Variants in FOXM1 observed in about 807,000 individuals in gnomAD.
FOXM1 encodes the protein forkhead box M1.
FOXM1 carries 25 observed loss-of-function variants against 63.6 expected under a neutral mutation model. The observed-to-expected ratio is 0.39, with a 90% CI of 0.29 to 0.55. The LOEUF (loss-of-function observed/expected upper bound fraction) is 0.55, where lower values mean the gene tolerates loss of function less well. Among genes scored for constraint, FOXM1 ranks in the 20% least tolerant of loss-of-function variants. The pLI, the probability that FOXM1 is intolerant of heterozygous loss-of-function variation, is 0.60. For missense variants in FOXM1, 879 were observed against 958.7 expected, an observed-to-expected ratio of 0.92 and a Z score of 1.10; for synonymous variants, 387 against 376.9, an observed-to-expected ratio of 1.03 and a Z score of -0.31.
rs1487148803 is a variant in FOXM1, at chr12:2,864,720, C to T, written c.1053G>A (p.Arg351=). ...QQKRPNPELR[R]NMTIKTELPL... ...GGAGTTCGGTTTTGATGGTCATGTT[C>T]CGGCGGAGCTCTGGATTCGGTCGTT... The change falls in exon 7 of 9, where the codon CGG becomes CGA. Residue 351 remains arginine, a synonymous_variant. Coordinates refer to ENST00000359843, the MANE Select transcript of FOXM1 (RefSeq NM_021953.4). This position sits in a 1 kb window ranked among gnomAD's most constrained non-coding sequence, Gnocchi z 5.1. 4 of 1,614,158 alleles carry T rather than the reference C, an allele frequency of 2.5e-6. No individual in the cohort carries two copies. The East Asian group carries it at 6.7e-5, about 27-fold the overall frequency.
intron 3 of FOXM1, among the ~76,000 whole-genome samples, chr12:2,869,336 C>G (rs1386352576): frequency 6.6e-6 from 1 of 152,134 alleles, no homozygotes; most frequent in Non-Finnish European, 1.5e-5. Context: ...GTGGCTGGAT[C>G]ACAGCTCACT....
rs766405280 is a variant in FOXM1 at position 2,868,884 on chromosome 12, C to T, written c.655-130G>A. ...CTAGAAACAAACTCATCTGAGACCACTATCTCATAGAATAAAATTTTAGAG... is the reference window on the plus strand; with the variant it reads ...CTAGAAACAAACTCATCTGAGACCATTATCTCATAGAATAAAATTTTAGAG... On this transcript the variant is annotated intron_variant, in intron 3 of 8. Coordinates refer to ENST00000359843, the MANE Select transcript of FOXM1 (RefSeq NM_021953.4). 4.9e-6 allele frequency: 3 copies of T among 606,068 alleles called. No homozygotes were observed. In the East Asian group the frequency reaches 8.6e-5, roughly 17 times the overall value. 37.5% of individuals were successfully genotyped at this position (606,068 alleles called of 1,614,324 possible).
rs781264755 is a variant in FOXM1 at position 2,866,421 on chromosome 12, C to T, written c.947G>A (p.Arg316His). Residue 316 changes from arginine (R) to histidine (H), a missense_variant, in exon 5 of 9, where the codon CGC becomes CAC. Physicochemically the swap from Arg to His is conservative, Grantham distance 29. This residue lies in a region of FOXM1 where 62 missense variants were observed against 118.2 expected (regional missense o/e 0.52). Transcript: ENST00000359843. Reference sequence around the variant, plus strand: ...AAACACCTGGTCCAATGTCAAGTAGCGGTTGGCACTGGGGTGAATGGTCCA... The same window carrying T: ...AAACACCTGGTCCAATGTCAAGTAGTGGTTGGCACTGGGGTGAATGGTCCA... ...SFWTIHPSAN[R>H]YLTLDQVFKP... 1.3e-6 allele frequency: 2 copies of T among 1,529,836 alleles called. No homozygotes were observed. The highest frequency in any genetic ancestry group is 8.8e-7 in the Non-Finnish European group (1 of 1,140,588). The allele number at this position is 1,529,836 out of a possible 1,614,324, so 94.8% of individuals were successfully genotyped here.
At chr12:2,865,306 G>C (rs2098121062) in intron 6 of FOXM1, 49 bp downstream of exon 6, 1 of 1,530,838 alleles carries the variant, frequency 6.5e-7, no homozygotes, top group Non-Finnish European at 9.0e-7. Flanking sequence ...ATGCTGAGCA[G>C]TGAAAGGAAA....
intron 3 of FOXM1, among the ~76,000 whole-genome samples, chr12:2,870,604 A>G (rs2098131463): frequency 6.7e-6 from 1 of 150,012 alleles, no homozygotes; most frequent in Non-Finnish European, 1.5e-5. Flanking sequence ...CAGAGGTTTC[A>G]GTGAGCAGAG....
chr12:2,859,343 T>C lies in FOXM1; in HGVS notation c.1587A>G (p.Glu529=), dbSNP rs1038802870. ...TCTCCCTGTGTTGAATCACAAGCATTTCCGAGACACACCGGGTTGGGGACC... is the reference window on the plus strand; with the variant it reads ...TCTCCCTGTGTTGAATCACAAGCATCTCCGAGACACACCGGGTTGGGGACC... ...GLRSPTRCVS[E]MLVIQHRERR... is the part of the protein sequence containing the mutation. The change falls in exon 9 of 9, where the codon GAA becomes GAG. Residue 529 remains glutamate (E), a synonymous_variant. Transcript: ENST00000359843. 2 of 1,613,488 alleles carry C rather than the reference T, an allele frequency of 1.2e-6. No individual in the cohort carries two copies. Among genetic ancestry groups the C allele is most frequent in the African/African-American group, 2.7e-5 (2 of 74,846 alleles).
chr12:2,864,425 C>G lies in FOXM1; in HGVS notation c.1161G>C (p.Gln387His). 6.2e-7 allele frequency: 1 copy of G among 1,614,200 alleles called. No individual in the cohort carries two copies. Among genetic ancestry groups the G allele is most frequent in the Non-Finnish European group, 8.5e-7 (1 of 1,180,014 alleles). The change falls in exon 8 of 9, where the codon CAG becomes CAC. Residue 387 changes from glutamine to histidine, a missense_variant. Physicochemically the swap from Gln to His is conservative, Grantham distance 24. Transcript: ENST00000359843. The surrounding 1 kb of genome is among the most constrained non-coding windows in gnomAD (Gnocchi z 5.1). ...YLVPIQFPVNQSLVLQPSVKV... is the reference protein window; with the variant it reads ...YLVPIQFPVNHSLVLQPSVKV... Reference sequence around the variant, plus strand: ...TCACCGAGGGCTGCAACACCAGTGACTGGTTCACCGGGAACTGGATAGGTA... The same window carrying G: ...TCACCGAGGGCTGCAACACCAGTGAGTGGTTCACCGGGAACTGGATAGGTA...
chr12:2,867,998 A>G (rs1243589024), intron 4 of FOXM1, among the ~76,000 whole-genome samples: 1 of 150,934 alleles, frequency 6.6e-6, no homozygotes, highest in Non-Finnish European at 1.5e-5. Flanking sequence ...AAAAAAAAAA[A>G]AGAAAGAGTT....
chr12:2,858,997 C>T lies in FOXM1; in HGVS notation c.1933G>A (p.Gly645Ser). 6.2e-7 allele frequency: 1 copy of T among 1,613,120 alleles called. No individual in the cohort carries two copies. Among genetic ancestry groups the T allele is most frequent in the Non-Finnish European group, 8.5e-7 (1 of 1,179,732 alleles). The change falls in exon 9 of 9, where the codon GGT (glycine) becomes AGT (serine). Residue 645 changes from glycine to serine, a missense_variant. Physicochemically the swap from Gly to Ser is moderately conservative, Grantham distance 56 (BLOSUM62 0). Transcript: ENST00000359843. ...LDFSPVQTSQ[G>S]ASDPLPDPLG... Reference sequence around the variant, plus strand: ...GGGTCAGGCAAGGGGTCAGAGGCACCCTGGGAGGTTTGTACTGGGCTGAAA... The same window carrying T: ...GGGTCAGGCAAGGGGTCAGAGGCACTCTGGGAGGTTTGTACTGGGCTGAAA...
chr12:2,859,206 A>C lies in FOXM1; in HGVS notation c.1724T>G (p.Leu575Arg), dbSNP rs1236534922. Reference sequence around the variant, plus strand: ...GTCAGAGGAGTCTGCTGGGAACGGGAGCTCTGCGGCCCAGCGGGAAGTACT... The same window carrying C: ...GTCAGAGGAGTCTGCTGGGAACGGGCGCTCTGCGGCCCAGCGGGAAGTACT... Reference protein sequence around the residue: ...GPSTSRWAAELPFPADSSDPA... With the variant: ...GPSTSRWAAERPFPADSSDPA... The change falls in exon 9 of 9, where the codon CTC becomes CGC. Residue 575 changes from leucine to arginine, a missense_variant. This residue lies in a region of FOXM1 where 486 missense variants were observed against 453.5 expected (regional missense o/e 1.07). Transcript: ENST00000359843. 6.2e-7 allele frequency: 1 copy of C among 1,611,710 alleles called. No homozygotes were observed. The highest frequency in any genetic ancestry group is 2.2e-5 in the East Asian group (1 of 44,798).
At position 2,874,221 on chromosome 12, in the gene FOXM1, G is replaced by A. The variant is rs770214663; in HGVS notation, c.258C>T (p.Ser86=). 1.2e-6 allele frequency: 2 copies of A among 1,614,186 alleles called. No homozygotes were observed. The highest frequency in any genetic ancestry group is 1.7e-6 in the Non-Finnish European group (2 of 1,180,048). ...CCTTGGCAGTCAGTGCTGTGATGAT[G>A]CTGTGAATATTAGCATTGTTGGGGA... ...VAIPNNANIH[S]IITALTAKGK... is the part of the protein sequence containing the mutation. The change falls in exon 2 of 9, where the codon AGC becomes AGT. Residue 86 remains serine (S), a synonymous_variant. Coordinates refer to ENST00000359843, the MANE Select transcript of FOXM1 (RefSeq NM_021953.4). This position sits in a 1 kb window ranked among gnomAD's most constrained non-coding sequence, Gnocchi z 4.3.
At chr12:2,861,721 C>T (rs994877564) in intron 8 of FOXM1, among the ~76,000 whole-genome samples, 2 of 152,114 alleles carry the variant, frequency 1.3e-5, no homozygotes, top group Non-Finnish European at 2.9e-5. Context: ...ATTGCAGTGT[C>T]GTTCATTGGG....
chr12:2,861,547 T>C (rs1201162908), intron 8 of FOXM1: 1 of 372,286 alleles, frequency 2.7e-6, no homozygotes, highest in Non-Finnish European at 4.7e-6. Flanking sequence ...ATAGATCTTA[T>C]CATATATTGC....
chr12:2,866,578 C>T, intron 4 of FOXM1, 57 bp from the exon 5 acceptor site: 2 of 1,464,332 alleles, frequency 1.4e-6, no homozygotes, highest in Non-Finnish European at 9.0e-7. Context: ...AAACATCACC[C>T]TTCAAACACA....
Position 2,859,538 on chromosome 12 carries a change from G to A in FOXM1, c.1392C>T (p.Ile464=). ...LPVQTIKEEE[I]QPGEEMPHLA... ...AGTGTGGCATTTCCTCCCCAGGCTG[G>A]ATTTCTTCCTCCTTGATAGTCTGAA... Residue 464 remains isoleucine, a synonymous_variant, in exon 9 of 9, where the codon ATC becomes ATT. Transcript: ENST00000359843. 1.2e-6 allele frequency: 2 copies of A among 1,614,048 alleles called. No individual in the cohort carries two copies. Among genetic ancestry groups the A allele is most frequent in the Non-Finnish European group, 1.7e-6 (2 of 1,179,982 alleles).
Position 2,861,472 on chromosome 12 carries a change from A to G in FOXM1, c.1267-1809T>C, listed in dbSNP as rs112316322. The G allele has an allele frequency of 6.2e-4, 338 of 546,912 alleles. 1 individual carries two copies. The highest frequency in any genetic ancestry group is 5.3e-3 in the African/African-American group (270 of 50,710). 33.9% of individuals were successfully genotyped at this position (546,912 alleles called of 1,614,324 possible). A position where few individuals can be genotyped will look rare whatever the true frequency, so the allele number is the denominator to read the frequency against. ...AAACATTTTAAAAAATTAAGAAGAT[A>G]TAACCTATACATATTAGATTGGCAG... On this transcript the variant is annotated intron_variant, in intron 8 of 8. Coordinates refer to ENST00000359843, the MANE Select transcript of FOXM1 (RefSeq NM_021953.4).
At chr12:2,861,607 A>G (rs1346094194) in intron 8 of FOXM1, among the ~76,000 whole-genome samples, 1 of 152,200 alleles carries the variant, frequency 6.6e-6, no homozygotes, top group African/African-American at 2.4e-5. Context: ...ATCTAGCAAT[A>G]TTTAGTAGAA....
rs769113766 is a variant in FOXM1, at chr12:2,864,498, A to G, written c.1091-3T>C. On this transcript the variant is annotated splice_polypyrimidine_tract_variant and splice_region_variant and intron_variant, in intron 7 of 8. Coordinates refer to ENST00000359843, the MANE Select transcript of FOXM1 (RefSeq NM_021953.4). The surrounding 1 kb of genome is among the most constrained non-coding windows in gnomAD (Gnocchi z 5.1). ...TAGCAGTGGCTTCATCTTCCGCCCT[A>G]GGAGGAAACACGAGAGATCAGGAGC... 1 of 1,610,002 alleles carries G rather than the reference A, an allele frequency of 6.2e-7. No individual in the cohort carries two copies.
intron 4 of FOXM1, chr12:2,868,267 C>G: frequency 3.8e-6 from 1 of 263,548 alleles, no homozygotes; most frequent in Admixed American, 5.4e-5. Flanking sequence ...ACTACTTAGC[C>G]ACTCTAGCTG....
Sources: gnomAD v4.1 joint callset for allele counts (sites outside exome capture counted in the v4.1 genomes callset) on GRCh38, gnomAD v4.1.1 for gene constraint, gnomAD v4.1.1 regional missense constraint, Gnocchi (gnomAD v3.1) non-coding constraint, MANE v1.5 for transcripts, NCBI Gene and HGNC (gene_info 2026-07-23, HGNC 2026-07-21) for gene names.